The following DCAF13 variants were observed in gnomAD, a reference collection of about 807,000 sequenced individuals.
The protein encoded by DCAF13 is DDB1- and CUL4-associated factor 13.
In DCAF13, 38 loss-of-function variants were observed where a neutral mutation model predicts 59.0. The ratio of observed to expected loss-of-function variants is 0.64; its 90% CI spans 0.50 to 0.84. The LOEUF (loss-of-function observed/expected upper bound fraction) is 0.84, where lower values mean the gene tolerates loss of function less well. Among genes scored for constraint, DCAF13 ranks in the 40% least tolerant of loss-of-function variants. The pLI is 0.00. For synonymous variants in DCAF13, 173 were observed against 175.0 expected (o/e 0.99, Z 0.09); for missense variants, 469 against 558.4 (o/e 0.84, Z 1.61).
chr8:103,431,119 TGTTCA>T (rs1219589965), intron 6 of DCAF13, among the ~76,000 whole-genome samples: 1 of 152,242 alleles, frequency 6.6e-6, no homozygotes, highest in African/African-American at 2.4e-5. Flanking sequence ...CAGCTTTATT[TGTTCA>T]GTTACATGCT....
At chr8:103,428,501 T>A (rs1816822403) in intron 5 of DCAF13, 1 of 152,336 alleles carries the variant, frequency 6.6e-6, no homozygotes. Context: ...GTTTTCTGAT[T>A]CCTGGTCTGG....
At chr8:103,420,519 T>G (rs1319988784) in intron 2 of DCAF13, 56 bp downstream of exon 2, 1 of 1,533,036 alleles carries the variant, frequency 6.5e-7, no homozygotes, top group East Asian at 2.4e-5. Flanking sequence ...TACAAATGTT[T>G]TCCCTTTAGT....
At chr8:103,420,500 T>C in intron 2 of DCAF13, 37 bp downstream of exon 2, 3 of 1,572,712 alleles carry the variant, frequency 1.9e-6, no homozygotes, top group Non-Finnish European at 2.6e-6. Context: ...CAACTAAAAG[T>C]AGTTATATTA....
intron 4 of DCAF13, 122 bp downstream of exon 4, chr8:103,426,267 G>T: frequency 1.8e-6 from 1 of 568,314 alleles, no homozygotes; most frequent in Non-Finnish European, 3.0e-6. Context: ...ACTTTAGGCT[G>T]TAATTGTTGA....
chr8:103,433,027 C>T (rs1179079939), intron 7 of DCAF13, among the ~76,000 whole-genome samples: 1 of 152,144 alleles, frequency 6.6e-6, no homozygotes, highest in Non-Finnish European at 1.5e-5. Flanking sequence ...TGGCCACACC[C>T]ACTTACTTAT....
chr8:103,434,748 T>C (rs1816911459), intron 7 of DCAF13, among the ~76,000 whole-genome samples: 1 of 152,120 alleles, frequency 6.6e-6, no homozygotes, highest in South Asian at 2.1e-4. Flanking sequence ...TTCATGTTGG[T>C]TCATTTGAAG....
At chr8:103,433,967 C>T (rs1816899597) in intron 7 of DCAF13, among the ~76,000 whole-genome samples, 1 of 151,990 alleles carries the variant, frequency 6.6e-6, no homozygotes, top group African/African-American at 2.4e-5. Flanking sequence ...GCTATTTTAG[C>T]AAGGTACCGT....
rs535190221 is a variant in DCAF13, at chr8:103,427,147, A to G, written c.519A>G (p.Thr173=). The change falls in exon 5 of 11, where the codon ACA becomes ACG. Residue 173 remains threonine (T), a synonymous_variant. Transcript: ENST00000612750. ...ACTGGAAAGAAGCTGTTTTTGCCACATGTGGACAGCAAGTAGACATTTGGG... is the reference window on the plus strand; with the variant it reads ...ACTGGAAAGAAGCTGTTTTTGCCACGTGTGGACAGCAAGTAGACATTTGGG... ...DHHWKEAVFA[T]CGQQVDIWDE... is the part of the protein sequence containing the mutation. The G allele has an allele frequency of 5.0e-6, 8 of 1,613,492 alleles. No homozygotes were observed. In the East Asian group the frequency reaches 6.7e-5, roughly 13 times the overall value.
intron 7 of DCAF13, 70 bp from the exon 8 acceptor site, chr8:103,435,556 G>T: frequency 7.1e-6 from 9 of 1,261,100 alleles, no homozygotes; most frequent in Non-Finnish European, 9.7e-6. Context: ...TGTTTTCAGT[G>T]GTATCTTTTA....
intron 8 of DCAF13, 63 bp from the exon 9 acceptor site, chr8:103,440,073 G>A: frequency 2.3e-6 from 3 of 1,277,592 alleles, no homozygotes; most frequent in Non-Finnish European, 3.1e-6. Flanking sequence ...TACTTAATAG[G>A]CAGTGGTTAC....
intron 10 of DCAF13, chr8:103,442,539 C>A: frequency 3.8e-6 from 1 of 262,810 alleles, no homozygotes; most frequent in Non-Finnish European, 7.1e-6. Flanking sequence ...GCAGTAGAAT[C>A]ACTTTTAGAA....
At chr8:103,421,147 CA>C (rs777843588) in intron 3 of DCAF13, 65 bp downstream of exon 3, 19 of 1,107,060 alleles carry the variant, frequency 1.7e-5, no homozygotes, top group Non-Finnish European at 2.5e-5. Flanking sequence ...TAATTGAATA[CA>C]TTTTTTTTCA....
rs139057671 is a variant in DCAF13, at chr8:103,435,279, A to T, written c.786-347A>T. Reference sequence around the variant, plus strand: ...TATTAAAAGTATGTATTTAAATAGTATGGTGAAAAAGGTTTTTTAAAAAAT... The same window carrying T: ...TATTAAAAGTATGTATTTAAATAGTTTGGTGAAAAAGGTTTTTTAAAAAAT... On this transcript the variant is annotated intron_variant, in intron 7 of 10. Transcript: ENST00000612750. Among the ~76,000 whole-genome samples the T allele has an allele frequency of 4.7e-3, 716 of 152,250 alleles. 12 individuals are homozygous for T. The highest frequency in any genetic ancestry group is 0.015 in the African/African-American group (609 of 41,532).
At chr8:103,424,560 C>T (rs1046584322) in intron 3 of DCAF13, among the ~76,000 whole-genome samples, 16 of 152,290 alleles carry the variant, frequency 1.1e-4, no homozygotes, top group Middle Eastern at 6.8e-3. Flanking sequence ...TATTCTTGTT[C>T]GGCTACTCAT....
Position 103,442,911 on chromosome 8 carries a change from A to T in DCAF13, c.*29A>T, listed in dbSNP as rs1430903560. On this transcript the variant is annotated 3_prime_UTR_variant, in exon 11 of 11. Transcript: ENST00000612750. The stretch of plus-strand genomic sequence containing the variant: ...GTATTCCTAACAATCCTGATGTATA[A>T]TTATTTGTTACTTTTGATTTGAGAA... 1.4e-6 allele frequency: 2 copies of T among 1,455,202 alleles called. No individual in the cohort carries two copies. The highest frequency in any genetic ancestry group is 4.1e-5 in the Admixed American group (2 of 48,254). 90.1% of individuals were successfully genotyped at this position (1,455,202 alleles called of 1,614,324 possible). A position where few individuals can be genotyped will look rare whatever the true frequency, so the allele number is the denominator to read the frequency against.
At chr8:103,424,926 T>G (rs1295374658) in intron 3 of DCAF13, among the ~76,000 whole-genome samples, 1 of 152,198 alleles carries the variant, frequency 6.6e-6, no homozygotes, top group African/African-American at 2.4e-5. Context: ...TAAATACTTT[T>G]TGTCTATAAC....
At chr8:103,423,552 G>C (rs1816751342) in intron 3 of DCAF13, among the ~76,000 whole-genome samples, 1 of 152,118 alleles carries the variant, frequency 6.6e-6, no homozygotes, top group African/African-American at 2.4e-5. Flanking sequence ...GGGAGATTGG[G>C]GAGATGTTGG....
chr8:103,420,190 A>G, intron 1 of DCAF13, 74 bp from the exon 2 acceptor site: 2 of 1,339,264 alleles, frequency 1.5e-6, no homozygotes, highest in Non-Finnish European at 2.1e-6. Context: ...TTATTGAATA[A>G]CAGAGTGATT....
intron 1 of DCAF13, among the ~76,000 whole-genome samples, chr8:103,418,880 T>TGAGA (rs1816681202): frequency 5.5e-5 from 3 of 54,650 alleles, no homozygotes; most frequent in Non-Finnish European, 1.1e-4. Flanking sequence ...TTTTTTTTTT[T>TGAGA]TTTTTTTTTT....
Sources: allele counts gnomAD v4.1 joint callset (sites outside exome capture counted in the v4.1 genomes callset), GRCh38; gene constraint gnomAD v4.1.1; transcripts MANE v1.5; gene names NCBI Gene and HGNC (gene_info 2026-07-23, HGNC 2026-07-21).